The following KIRREL1 variants were observed in gnomAD, a reference collection of about 807,000 sequenced individuals.
KIRREL1 encodes the protein kin of IRRE-like protein 1.
Under a neutral mutation model 83.3 loss-of-function variants are expected in KIRREL1, and 25 were observed. The ratio of observed to expected loss-of-function variants is 0.30; its 90% confidence interval spans 0.22 to 0.42. The LOEUF (loss-of-function observed/expected upper bound fraction) is 0.42, where lower values mean the gene tolerates loss of function less well. Ranked by LOEUF, KIRREL1 falls within the 10% of genes least tolerant of loss-of-function variation. The pLI, the probability that KIRREL1 is intolerant of heterozygous loss-of-function variation, is 1.00. For synonymous variants in KIRREL1, 388 were observed against 410.4 expected, an observed-to-expected ratio of 0.95 and a Z score of 0.66; for missense variants, 812 against 1,032.3, an observed-to-expected ratio of 0.79 and a Z score of 2.92.
At chr1:158,071,082 C>T (rs1661498196) in intron 1 of KIRREL1, among the ~76,000 whole-genome samples, 1 of 152,110 alleles carries the variant, frequency 6.6e-6, no homozygotes, top group Non-Finnish European at 1.5e-5. Flanking sequence ...ATCTCTCTGC[C>T]TTCCTTCCCC....
intron 1 of KIRREL1, among the ~76,000 whole-genome samples, chr1:158,040,933 A>C (rs1240018711): frequency 6.6e-6 from 1 of 152,090 alleles, no homozygotes; most frequent in African/African-American, 2.4e-5. Flanking sequence ...ATGTGAATCA[A>C]TCTTGTGTTT....
Position 158,096,293 on chromosome 1 carries a change from A to G in KIRREL1, c.*1173A>G, listed in dbSNP as rs1392480074. On this transcript the variant is annotated 3_prime_UTR_variant, in exon 15 of 15. Coordinates refer to ENST00000359209, the MANE Select transcript of KIRREL1 (RefSeq NM_018240.7). Reference sequence around the variant, plus strand: ...GGAGGGGGCCTGGCTCTCAGTCTCTACTCTCCTATGTCCCATCAGTTGGTT... The same window carrying G: ...GGAGGGGGCCTGGCTCTCAGTCTCTGCTCTCCTATGTCCCATCAGTTGGTT... 1 of 319,082 alleles carries G rather than the reference A, an allele frequency of 3.1e-6. No individual in the cohort carries two copies. Among genetic ancestry groups the G allele is most frequent in the African/African-American group, 2.2e-5 (1 of 45,696 alleles). The allele number at this position is 319,082 out of a possible 1,614,324, so 19.8% of individuals were successfully genotyped here. A position where few individuals can be genotyped will look rare whatever the true frequency, so the allele number is the denominator to read the frequency against.
chr1:158,001,096 A>G (rs906598601), intron 1 of KIRREL1, among the ~76,000 whole-genome samples: 1 of 152,212 alleles, frequency 6.6e-6, no homozygotes, highest in African/African-American at 2.4e-5. Flanking sequence ...CCGCTTCAGA[A>G]TCGACTAGGC....
intron 1 of KIRREL1, among the ~76,000 whole-genome samples, chr1:158,029,648 G>GGA (rs149079720): frequency 9.2e-5 from 14 of 151,566 alleles, no homozygotes; most frequent in South Asian, 6.3e-4. Flanking sequence ...CTGTAATATA[G>GGA]GAGAGAGAGA....
At chr1:158,078,947 A>C (rs995241313) in intron 3 of KIRREL1, among the ~76,000 whole-genome samples, 1 of 151,236 alleles carries the variant, frequency 6.6e-6, no homozygotes. Context: ...GCTTCAGCAC[A>C]CCCCTTGCCC....
At chr1:158,004,826 C>A (rs1470411222) in intron 1 of KIRREL1, among the ~76,000 whole-genome samples, 2 of 152,256 alleles carry the variant, frequency 1.3e-5, no homozygotes, top group Non-Finnish European at 2.9e-5. Flanking sequence ...CACCTGTAGT[C>A]CCAGCTACTC....
chr1:158,092,687 G>A (rs1196145471), intron 11 of KIRREL1, among the ~76,000 whole-genome samples: 1 of 152,124 alleles, frequency 6.6e-6, no homozygotes, highest in Non-Finnish European at 1.5e-5. Context: ...CAAGGGGGTT[G>A]GGGGTGGGGA....
intron 8 of KIRREL1, 197 bp from the exon 9 acceptor site, chr1:158,089,305 C>A: frequency 2.8e-6 from 2 of 720,916 alleles, no homozygotes; most frequent in Non-Finnish European, 4.5e-6. Context: ...CCCACACCTG[C>A]AGAGATGGTG....
intron 1 of KIRREL1, among the ~76,000 whole-genome samples, chr1:158,044,592 G>A (rs1372367224): frequency 2.6e-5 from 4 of 152,216 alleles, no homozygotes; most frequent in South Asian, 2.1e-4. Flanking sequence ...TTTGTCTCCC[G>A]GATTCAAGCG....
At chr1:157,998,889 T>G (rs1391669085) in intron 1 of KIRREL1, among the ~76,000 whole-genome samples, 1 of 152,178 alleles carries the variant, frequency 6.6e-6, no homozygotes, top group African/African-American at 2.4e-5. Context: ...ACAGTGTGCT[T>G]TTCAGGTTAA....
chr1:158,044,170 G>T (rs1264517695), intron 1 of KIRREL1, among the ~76,000 whole-genome samples: 1 of 152,182 alleles, frequency 6.6e-6, no homozygotes, highest in Non-Finnish European at 1.5e-5. Flanking sequence ...AGCAATCTCT[G>T]CAAGGCATGG....
chr1:158,090,493 A>C (rs2101643281), intron 10 of KIRREL1, among the ~76,000 whole-genome samples: 1 of 152,198 alleles, frequency 6.6e-6, no homozygotes, highest in Middle Eastern at 3.4e-3. Flanking sequence ...GGGACACTTC[A>C]TTACCACGGC....
At position 157,993,721 on chromosome 1, in the gene KIRREL1, C is replaced by T; in HGVS notation, c.45C>T (p.Phe15=). 6.7e-7 allele frequency: 1 copy of T among 1,493,928 alleles called. No individual in the cohort carries two copies. Among genetic ancestry groups the T allele is most frequent in the South Asian group, 1.3e-5 (1 of 78,092 alleles). 92.5% of individuals were successfully genotyped at this position (1,493,928 alleles called of 1,614,324 possible). The change falls in exon 1 of 15, where the codon TTC becomes TTT. Residue 15 remains phenylalanine (F), a synonymous_variant. Coordinates refer to ENST00000359209, the MANE Select transcript of KIRREL1 (RefSeq NM_018240.7). ...LVWILTLSDT[F]SQGTQTRFSQ... ...GGATCCTCACTCTCTCCGATACTTT[C>T]TCCCAAGGTAAGGGCCCCCAGCCCA...
At chr1:158,088,845 G>T (rs1237667501) in intron 8 of KIRREL1, among the ~76,000 whole-genome samples, 4 of 152,150 alleles carry the variant, frequency 2.6e-5, no homozygotes, top group African/African-American at 7.2e-5. Context: ...TAGATGGGGG[G>T]CTGCAGCATT....
chr1:158,045,810 C>T (rs1195414198), intron 1 of KIRREL1, among the ~76,000 whole-genome samples: 1 of 152,176 alleles, frequency 6.6e-6, no homozygotes, highest in Non-Finnish European at 1.5e-5. Flanking sequence ...TTCCAGCATC[C>T]TCAGCCCCAA....
intron 1 of KIRREL1, among the ~76,000 whole-genome samples, chr1:157,994,567 T>C (rs966769153): frequency 2.7e-5 from 4 of 150,528 alleles, no homozygotes; most frequent in African/African-American, 9.8e-5. Flanking sequence ...AGGGCTGGGG[T>C]TGGGGGAGGG....
chr1:158,054,324 G>T (rs563036198), intron 1 of KIRREL1, among the ~76,000 whole-genome samples: 5 of 151,892 alleles, frequency 3.3e-5, no homozygotes, highest in Middle Eastern at 6.8e-3. Context: ...ACCATGATGG[G>T]ATCTCTTTCA....
intron 1 of KIRREL1, among the ~76,000 whole-genome samples, chr1:158,074,003 C>A (rs369758812): frequency 2.0e-5 from 3 of 152,274 alleles, no homozygotes; most frequent in Admixed American, 6.5e-5. Flanking sequence ...GAAGGAGAAA[C>A]GTGAGTGTGG....
In KIRREL1 at chr1:158,039,069, A is replaced by G. The variant is rs560372099; in HGVS notation, c.53-37044A>G. On this transcript the variant is annotated intron_variant, in intron 1 of 14. Transcript: ENST00000359209. ...CCACATGCTGGGCACGCTGGACCGG[A>G]GACTTCTGATTGAGAGGAAGGTTGG... is the stretch of plus-strand genomic sequence containing the variant. 7.6e-3 allele frequency among the ~76,000 whole-genome samples: 1,152 copies of G among 152,262 alleles called. 6 individuals carry two copies. The highest frequency in any genetic ancestry group is 0.01 in the Non-Finnish European group (688 of 68,022).
Sources: gnomAD v4.1 joint callset for allele counts (sites outside exome capture counted in the v4.1 genomes callset) on GRCh38, gnomAD v4.1.1 for gene constraint, MANE v1.5 for transcripts, NCBI Gene and HGNC (gene_info 2026-07-23, HGNC 2026-07-21) for gene names.